LPCAT2: variants seen among roughly 807,000 people sequenced by gnomAD.
LPCAT2 encodes lysophosphatidylcholine acyltransferase 2, also known as 1-AGP acyltransferase 11.
Under a neutral mutation model 64.7 loss-of-function variants are expected in LPCAT2, and 58 were observed. That is an observed-to-expected ratio of 0.90 (90% CI 0.73 to 1.12). LPCAT2 has a LOEUF of 1.12. Among genes scored for constraint, LPCAT2 ranks in the 50% most tolerant of loss-of-function variants. The probability of loss-of-function intolerance (pLI) is 0.00; values close to 1 mark genes in which losing one functional copy is unlikely to be tolerated. For synonymous variants in LPCAT2, 252 were observed against 245.3 expected (o/e 1.03, Z -0.26); for missense variants, 579 against 669.8 (o/e 0.86, Z 1.50).
At chr16:55,520,656 GA>G (rs1246687233) in intron 1 of LPCAT2, among the ~76,000 whole-genome samples, 8 of 151,802 alleles carry the variant, frequency 5.3e-5, no homozygotes, top group Non-Finnish European at 1.0e-4. Flanking sequence ...ATATTACAGA[GA>G]ATATTCTCTG....
At chr16:55,540,958 T>G (rs1186778739) in intron 8 of LPCAT2, 1 of 152,794 alleles carries the variant, frequency 6.5e-6, no homozygotes, top group Non-Finnish European at 1.5e-5. Flanking sequence ...TCTCTCTCTG[T>G]CAACATCTCA....
intron 11 of LPCAT2, among the ~76,000 whole-genome samples, chr16:55,558,951 T>C (rs1439256877): frequency 6.6e-6 from 1 of 152,162 alleles, no homozygotes; most frequent in Non-Finnish European, 1.5e-5. Flanking sequence ...GTGGGTATTC[T>C]ACATCTGATT....
At chr16:55,509,630 G>C (rs1962897407) in intron 1 of LPCAT2, among the ~76,000 whole-genome samples, 1 of 152,028 alleles carries the variant, frequency 6.6e-6, no homozygotes, top group Non-Finnish European at 1.5e-5. Context: ...GGGGCGCGTG[G>C]GTCTGAGGGG....
intron 11 of LPCAT2, among the ~76,000 whole-genome samples, chr16:55,571,189 A>G (rs995243360): frequency 6.6e-6 from 1 of 152,358 alleles, no homozygotes; most frequent in East Asian, 1.9e-4. Context: ...TGTTGAATAA[A>G]TTCAACTATG....
intron 10 of LPCAT2, among the ~76,000 whole-genome samples, chr16:55,549,606 T>C (rs1479768944): frequency 6.6e-6 from 1 of 152,202 alleles, no homozygotes; most frequent in African/African-American, 2.4e-5. Context: ...ATATGTGCAT[T>C]GGTCACAGGA....
At chr16:55,550,895 C>T (rs1963508775) in intron 10 of LPCAT2, 54 bp from the exon 11 acceptor site, 2 of 1,300,390 alleles carry the variant, frequency 1.5e-6, no homozygotes, top group South Asian at 2.0e-5. Context: ...ATAAAATGTG[C>T]ATGTGAATTG....
rs547434162 is a variant in LPCAT2 at position 55,539,097 on chromosome 16, C to A, written c.852+1465C>A. 188 of 152,258 alleles carry A rather than the reference C, an allele frequency of 1.2e-3. 1 individual carries two copies. Among genetic ancestry groups the A allele is most frequent in the African/African-American group, 4.4e-3 (184 of 41,552 alleles). The allele number at this position is 152,258 out of a possible 1,614,324, so 9.4% of individuals were successfully genotyped here. ...TACCCCTCTGTAGCTAAAACAAGAT[C>A]TAGCAACACATGTAGAAATGTATAC... On this transcript the variant is annotated intron_variant, in intron 8 of 13. Coordinates refer to ENST00000262134, the MANE Select transcript of LPCAT2 (RefSeq NM_017839.5).
chr16:55,531,889 T>G (rs1260047476), intron 4 of LPCAT2, 25 bp from the exon 5 acceptor site: 3 of 1,420,662 alleles, frequency 2.1e-6, no homozygotes, highest in African/African-American at 1.4e-5. Context: ...GATTGAAATA[T>G]TAAATCTATT....
intron 1 of LPCAT2, among the ~76,000 whole-genome samples, chr16:55,515,512 C>A (rs1302978528): frequency 6.6e-6 from 1 of 152,168 alleles, no homozygotes; most frequent in East Asian, 1.9e-4. Context: ...TAGACAGTAA[C>A]TCAAATTCAC....
intron 1 of LPCAT2, among the ~76,000 whole-genome samples, chr16:55,523,345 A>G (rs1237191800): frequency 6.6e-6 from 1 of 151,900 alleles, no homozygotes; most frequent in East Asian, 1.9e-4. Context: ...GAACTCTCAT[A>G]CCTTGCTGGG....
At chr16:55,513,457 C>G (rs1193487973) in intron 1 of LPCAT2, among the ~76,000 whole-genome samples, 1 of 151,360 alleles carries the variant, frequency 6.6e-6, no homozygotes, top group Non-Finnish European at 1.5e-5. Context: ...GATGAGACAT[C>G]AGCAAAACTG....
chr16:55,523,316 T>C (rs560705682), intron 1 of LPCAT2, among the ~76,000 whole-genome samples: 20 of 151,906 alleles, frequency 1.3e-4, no homozygotes, highest in African/African-American at 4.3e-4. Flanking sequence ...CATATGTTGG[T>C]GAGGATGTGG....
intron 9 of LPCAT2, 67 bp downstream of exon 9, chr16:55,545,884 C>T: frequency 7.8e-7 from 1 of 1,281,726 alleles, no homozygotes; most frequent in Middle Eastern, 1.9e-4. Context: ...TCGTTTAACT[C>T]ATTTTAAGGA....
At chr16:55,550,402 A>T (rs575714636) in intron 10 of LPCAT2, among the ~76,000 whole-genome samples, 1 of 152,336 alleles carries the variant, frequency 6.6e-6, no homozygotes, top group African/African-American at 2.4e-5. Flanking sequence ...TGAATTCATT[A>T]TCAGCCTGAA....
chr16:55,572,096 C>A (rs1474399048), intron 11 of LPCAT2, among the ~76,000 whole-genome samples: 1 of 152,096 alleles, frequency 6.6e-6, no homozygotes, highest in Non-Finnish European at 1.5e-5. Flanking sequence ...TTGTGATCAT[C>A]AAGATTCTTT....
chr16:55,574,663 T>C lies in LPCAT2; in HGVS notation c.1248T>C (p.Tyr416=), dbSNP rs146558563. ...ATGGCAGCATTGACTTCCGAGAGTA[T>C]GTGATTGGCCTGGCTGTCTTGTGCA... ...NHDGSIDFRE[Y]VIGLAVLCNP... Residue 416 remains tyrosine (Y), a synonymous_variant, in exon 12 of 14, where the codon TAT becomes TAC. Coordinates refer to ENST00000262134, the MANE Select transcript of LPCAT2 (RefSeq NM_017839.5). The C allele has an allele frequency of 6.2e-7, 1 of 1,613,586 alleles. No homozygotes were observed. The highest frequency in any genetic ancestry group is 1.3e-5 in the African/African-American group (1 of 75,000).
chr16:55,557,482 A>T, intron 11 of LPCAT2, among the ~76,000 whole-genome samples: 1 of 152,186 alleles, frequency 6.6e-6, no homozygotes, highest in East Asian at 1.9e-4. Context: ...AAGGCAAGAA[A>T]TTTCAGCAGC....
chr16:55,579,022 T>C (rs1372914444), intron 12 of LPCAT2, 87 bp from the exon 13 acceptor site: 2 of 1,270,688 alleles, frequency 1.6e-6, no homozygotes, highest in Non-Finnish European at 2.2e-6. Flanking sequence ...CAGTAGATGT[T>C]TGAATTATTA....
chr16:55,509,892 G>T (rs2142383988), intron 1 of LPCAT2, among the ~76,000 whole-genome samples: 1 of 151,760 alleles, frequency 6.6e-6, no homozygotes, highest in African/African-American at 2.4e-5. Flanking sequence ...GCCCCAGAAG[G>T]TTGAAGGAAT....
Sources: allele counts gnomAD v4.1 joint callset (sites outside exome capture counted in the v4.1 genomes callset), GRCh38; gene constraint gnomAD v4.1.1; transcripts MANE v1.5; gene names NCBI Gene and HGNC (gene_info 2026-07-23, HGNC 2026-07-21).